Variants in NEGR1 observed in about 807,000 individuals in gnomAD.
The protein encoded by NEGR1 is IgLON family member 4.
A neutral mutation model predicts 40.9 loss-of-function variants in NEGR1; 10 were observed. The ratio of observed to expected loss-of-function variants is 0.24; its 90% confidence interval spans 0.15 to 0.42. The LOEUF (loss-of-function observed/expected upper bound fraction) is 0.42. NEGR1 is among the 10% of genes least tolerant of loss of function. The probability of loss-of-function intolerance (pLI) is 1.00; values close to 1 mark genes in which losing one functional copy is unlikely to be tolerated. For missense variants in NEGR1, 352 were observed against 438.9 expected (o/e 0.80, Z 1.77); for synonymous variants, 185 against 166.8 (o/e 1.11, Z -0.84).
chr1:72,171,745 T>G (rs1651971902), intron 1 of NEGR1, among the ~76,000 whole-genome samples: 2 of 152,176 alleles, frequency 1.3e-5, no homozygotes. Context: ...TTCCCCCTCT[T>G]TAATCAAGAG....
intron 1 of NEGR1, among the ~76,000 whole-genome samples, chr1:72,241,327 G>T (rs1654736314): frequency 1.3e-5 from 2 of 150,896 alleles, no homozygotes; most frequent in South Asian, 4.2e-4. Context: ...TATTCAGAAG[G>T]GTCCAGATTT....
chr1:71,559,796 A>G (rs1648382744), intron 6 of NEGR1, among the ~76,000 whole-genome samples: 1 of 150,468 alleles, frequency 6.6e-6, no homozygotes, highest in South Asian at 2.1e-4. Flanking sequence ...ACACACTAAA[A>G]TCTCTTAAAT....
At chr1:71,593,040 G>A in intron 5 of NEGR1, 72 bp from the exon 6 acceptor site, 1 of 1,095,822 alleles carries the variant, frequency 9.1e-7, no homozygotes. Context: ...CTTAGCTGGG[G>A]TTGTCATGGC....
intron 2 of NEGR1, among the ~76,000 whole-genome samples, chr1:71,818,526 T>C (rs1192857861): frequency 6.6e-6 from 1 of 151,872 alleles, no homozygotes; most frequent in African/African-American, 2.4e-5. Context: ...CATTAGCACC[T>C]ACTTGAGGAT....
At chr1:71,782,922 T>C (rs1362525353) in intron 2 of NEGR1, among the ~76,000 whole-genome samples, 1 of 152,102 alleles carries the variant, frequency 6.6e-6, no homozygotes, top group East Asian at 1.9e-4. Context: ...TGGACAATAA[T>C]CATACACATT....
intron 1 of NEGR1, among the ~76,000 whole-genome samples, chr1:72,180,732 G>GAATCA (rs1652335670): frequency 1.3e-5 from 2 of 152,028 alleles, no homozygotes; most frequent in African/African-American, 4.8e-5. Flanking sequence ...AATCATGACG[G>GAATCA]AAATACTAAT....
intron 2 of NEGR1, among the ~76,000 whole-genome samples, chr1:71,841,149 G>A (rs1659222547): frequency 6.6e-6 from 1 of 151,980 alleles, no homozygotes; most frequent in Admixed American, 6.6e-5. Context: ...GGACCATCAG[G>A]CAGTCACCCA....
intron 4 of NEGR1, among the ~76,000 whole-genome samples, chr1:71,640,381 CAG>C (rs1651309240): frequency 6.6e-6 from 1 of 152,030 alleles, no homozygotes; most frequent in Admixed American, 6.6e-5. Context: ...ATTGATATCT[CAG>C]AGTGTCAAAC....
intron 2 of NEGR1, among the ~76,000 whole-genome samples, chr1:71,792,501 T>G (rs993592898): frequency 3.7e-4 from 57 of 152,298 alleles, no homozygotes; most frequent in African/African-American, 1.3e-3. Context: ...CATTTATCTC[T>G]GTATTGTTTT....
chr1:72,268,000 G>A (rs1655706336), intron 1 of NEGR1, among the ~76,000 whole-genome samples: 1 of 151,136 alleles, frequency 6.6e-6, no homozygotes, highest in African/African-American at 2.4e-5. Flanking sequence ...AAAAAAATAA[G>A]TCCAAGAAGT....
At chr1:72,194,366 A>G (rs1216490385) in intron 1 of NEGR1, among the ~76,000 whole-genome samples, 2 of 151,934 alleles carry the variant, frequency 1.3e-5, no homozygotes, top group Admixed American at 1.3e-4. Context: ...TATTATATAA[A>G]TATTTTATTT....
intron 6 of NEGR1, among the ~76,000 whole-genome samples, chr1:71,447,092 C>T (rs1014782079): frequency 1.3e-5 from 2 of 152,212 alleles, no homozygotes; most frequent in Non-Finnish European, 2.9e-5. Context: ...AGGAGGTGAG[C>T]AGCAGGAGAG....
At chr1:71,533,929 C>T (rs2078039244) in intron 6 of NEGR1, among the ~76,000 whole-genome samples, 1 of 151,662 alleles carries the variant, frequency 6.6e-6, no homozygotes, top group South Asian at 2.1e-4. Flanking sequence ...ATTCAGCACT[C>T]ATTTCACATA....
At chr1:71,833,482 C>A (rs1488928225) in intron 2 of NEGR1, among the ~76,000 whole-genome samples, 1 of 151,322 alleles carries the variant, frequency 6.6e-6, no homozygotes, top group Non-Finnish European at 1.5e-5. Context: ...CAGAGAGAAT[C>A]TTTCTGGGGG....
chr1:71,822,719 C>T (rs568098410), intron 2 of NEGR1, among the ~76,000 whole-genome samples: 16 of 152,094 alleles, frequency 1.1e-4, no homozygotes, highest in African/African-American at 3.9e-4. Context: ...GTGTTTCCTG[C>T]CATTTGGGCC....
intron 2 of NEGR1, among the ~76,000 whole-genome samples, chr1:71,799,835 C>T (rs548386848): frequency 6.6e-6 from 1 of 152,198 alleles, no homozygotes; most frequent in South Asian, 2.1e-4. Flanking sequence ...GCCTCAGCCT[C>T]CTGAGTAGCT....
chr1:72,090,137 T>TA (rs1212315422), intron 1 of NEGR1, among the ~76,000 whole-genome samples: 1 of 152,044 alleles, frequency 6.6e-6, no homozygotes, highest in African/African-American at 2.4e-5. Context: ...ATTCATTTCT[T>TA]AAATATACCT....
At chr1:71,690,759 C>T (rs1262839708) in intron 4 of NEGR1, among the ~76,000 whole-genome samples, 1 of 151,168 alleles carries the variant, frequency 6.6e-6, no homozygotes, top group African/African-American at 2.4e-5. Context: ...GAGTATTTTA[C>T]CCTGTTAGAA....
intron 1 of NEGR1, among the ~76,000 whole-genome samples, chr1:71,964,502 A>G (rs987450259): frequency 2.6e-5 from 4 of 152,140 alleles, no homozygotes; most frequent in Admixed American, 2.6e-4. Flanking sequence ...TAGAGGTGCC[A>G]CACACATGAA....
Sources: allele counts gnomAD v4.1 joint callset (sites outside exome capture counted in the v4.1 genomes callset), GRCh38; gene constraint gnomAD v4.1.1; transcripts MANE v1.5; gene names NCBI Gene and HGNC (gene_info 2026-07-23, HGNC 2026-07-21).